The following SLC2A12 variants were observed in gnomAD, a reference collection of about 807,000 sequenced individuals.
SLC2A12 encodes the protein solute carrier family 2 member 12.
A neutral mutation model predicts 41.8 loss-of-function variants in SLC2A12; 23 were observed. That is an observed-to-expected ratio of 0.55 (90% CI 0.40 to 0.78). The LOEUF (loss-of-function observed/expected upper bound fraction) is 0.78, where lower values mean the gene tolerates loss of function less well. Ranked by LOEUF, SLC2A12 falls within the 30% of genes least tolerant of loss-of-function variation. The probability of loss-of-function intolerance (pLI) is 0.00; values close to 1 mark genes in which losing one functional copy is unlikely to be tolerated. For missense variants in SLC2A12, 654 were observed against 745.6 expected (o/e 0.88, Z 1.43); for synonymous variants, 295 against 285.9 (o/e 1.03, Z -0.32).
chr6:134,006,829 G>A lies in SLC2A12; in HGVS notation c.1550C>T (p.Thr517Ile), dbSNP rs1395368822. ...NWGINLLISL[T>I]FLTVTDLIGL... ...CTTCTTACCAGTTACAGTCAAAAATGTCAGCGAGATGAGGAGATTGATGCC... is the reference window on the plus strand; with the variant it reads ...CTTCTTACCAGTTACAGTCAAAAATATCAGCGAGATGAGGAGATTGATGCC... Residue 517 changes from threonine to isoleucine, a missense_variant, in exon 3 of 5, where the codon ACA becomes ATA. Thr to Ile is a moderately conservative substitution (Grantham distance 89, BLOSUM62 -1). Around this residue, in one of 3 missense-constraint regions of SLC2A12, gnomAD observed 134 missense variants for 180.5 expected, o/e 0.74. Transcript: ENST00000275230. 13 of 1,614,062 alleles carry A rather than the reference G, an allele frequency of 8.1e-6. No homozygotes were observed. The highest frequency in any genetic ancestry group is 1.0e-5 in the Non-Finnish European group (12 of 1,179,988).
intron 1 of SLC2A12, among the ~76,000 whole-genome samples, chr6:134,032,405 A>AATATAT (rs1170558623): frequency 5.1e-5 from 6 of 118,078 alleles, no homozygotes; most frequent in African/African-American, 2.2e-4. Context: ...TACAGGGAGA[A>AATATAT]ATATATATAT....
At chr6:133,996,090 G>A (rs188591110) in intron 4 of SLC2A12, among the ~76,000 whole-genome samples, 8 of 152,238 alleles carry the variant, frequency 5.3e-5, no homozygotes, top group Middle Eastern at 3.4e-3. Context: ...GATTGTACTC[G>A]CTGATAATGT....
intron 2 of SLC2A12, among the ~76,000 whole-genome samples, chr6:134,024,868 C>T (rs1250416038): frequency 5.9e-5 from 9 of 152,212 alleles, no homozygotes; most frequent in Non-Finnish European, 8.8e-5. Flanking sequence ...AAAGAAACTT[C>T]TAATTTGTTT....
In SLC2A12 at chr6:133,991,010, G is replaced by T. The variant is rs746004303; in HGVS notation, c.*145C>A. The T allele has an allele frequency of 1.5e-5, 14 of 929,554 alleles. No homozygotes were observed. Among genetic ancestry groups the T allele is most frequent in the Non-Finnish European group, 2.0e-5 (13 of 642,810 alleles). 57.6% of individuals were successfully genotyped at this position (929,554 alleles called of 1,614,324 possible). A position where few individuals can be genotyped will look rare whatever the true frequency, so the allele number is the denominator to read the frequency against. ...CCTTCTGGGGAGGAGGGGGATTAAA[G>T]GCTGTCTTTATCATTTCAGAGTGTC... is the stretch of plus-strand genomic sequence containing the variant. On this transcript the variant is annotated 3_prime_UTR_variant, in exon 5 of 5. Transcript: ENST00000275230.
intron 1 of SLC2A12, among the ~76,000 whole-genome samples, chr6:134,040,890 G>T (rs1456393097): frequency 6.6e-6 from 1 of 152,180 alleles, no homozygotes; most frequent in Non-Finnish European, 1.5e-5. Flanking sequence ...AATGGCTGTG[G>T]TATATTCAGT....
At chr6:134,036,005 A>G (rs1777293409) in intron 1 of SLC2A12, among the ~76,000 whole-genome samples, 1 of 152,186 alleles carries the variant, frequency 6.6e-6, no homozygotes, top group South Asian at 2.1e-4. Flanking sequence ...ACTCAACACG[A>G]AACAATCCAT....
chr6:133,987,967 C>CA lies in SLC2A12; in HGVS notation c.*3187dup, dbSNP rs924815636. 2.6e-5 allele frequency: 4 copies of CA among 152,072 alleles called. No homozygotes were observed. The highest frequency in any genetic ancestry group is 9.7e-5 in the African/African-American group (4 of 41,400). 9.4% of individuals were successfully genotyped at this position (152,072 alleles called of 1,614,324 possible). ...GGACCTTTGTTTTTCTGGAAAGACTCAACACCTGTAGTTGTAGAGAAGTGA... is the reference window on the plus strand; with the variant it reads ...GGACCTTTGTTTTTCTGGAAAGACTCAAACACCTGTAGTTGTAGAGAAGTGA... On this transcript the variant is annotated 3_prime_UTR_variant, in exon 5 of 5. Coordinates refer to ENST00000275230, the MANE Select transcript of SLC2A12 (RefSeq NM_145176.3).
At chr6:133,997,117 C>T (rs1056847953) in intron 4 of SLC2A12, among the ~76,000 whole-genome samples, 7 of 132,014 alleles carry the variant, frequency 5.3e-5, no homozygotes, top group Non-Finnish European at 1.1e-4. Flanking sequence ...AAAAGCCGGG[C>T]GTGGCAGCAG....
intron 2 of SLC2A12, among the ~76,000 whole-genome samples, chr6:134,011,452 T>C (rs147832426): frequency 5.9e-4 from 89 of 151,642 alleles, no homozygotes; most frequent in African/African-American, 2.0e-3. Flanking sequence ...TGAAACCCCG[T>C]CTCTATAAAA....
intron 4 of SLC2A12, among the ~76,000 whole-genome samples, chr6:133,995,934 T>A (rs1776681653): frequency 6.6e-6 from 1 of 152,262 alleles, no homozygotes; most frequent in South Asian, 2.1e-4. Context: ...TGTCTGGATT[T>A]ACTCCCCTAT....
At chr6:134,005,042 G>C (rs1776795555) in intron 3 of SLC2A12, among the ~76,000 whole-genome samples, 1 of 152,096 alleles carries the variant, frequency 6.6e-6, no homozygotes, top group Admixed American at 6.5e-5. Context: ...ATTTATTTTA[G>C]CTCTATCATT....
At chr6:133,995,986 T>C (rs1776682319) in intron 4 of SLC2A12, among the ~76,000 whole-genome samples, 1 of 152,254 alleles carries the variant, frequency 6.6e-6, no homozygotes. Context: ...TTATCTTAAA[T>C]GTTACCTCTC....
Position 134,029,024 on chromosome 6 carries a change from A to T in SLC2A12, c.801T>A (p.Asp267Glu). ...GCATGTTGTCTTTTGAACGAAACAGATCCCAAAAACTGTACTGATATTCAT... is the reference window on the plus strand; with the variant it reads ...GCATGTTGTCTTTTGAACGAAACAGTTCCCAAAAACTGTACTGATATTCAT... ...LKDEYQYSFW[D>E]LFRSKDNMRT... is the part of the protein sequence containing the mutation. Residue 267 changes from aspartate (D) to glutamate (E), a missense_variant, in exon 2 of 5, where the codon GAT (aspartate) becomes GAA (glutamate). Physicochemically the swap from Asp to Glu is conservative, Grantham distance 45 (BLOSUM62 2). Transcript: ENST00000275230. 1.2e-6 allele frequency: 2 copies of T among 1,614,234 alleles called. No individual in the cohort carries two copies. The highest frequency in any genetic ancestry group is 1.3e-5 in the African/African-American group (1 of 75,054).
At chr6:133,992,011 G>A (rs767106477) in intron 4 of SLC2A12, among the ~76,000 whole-genome samples, 6 of 152,152 alleles carry the variant, frequency 3.9e-5, no homozygotes, top group Non-Finnish European at 8.8e-5. Flanking sequence ...TATTATACAG[G>A]TGGCATCTCT....
chr6:134,027,275 C>G (rs1777126787), intron 2 of SLC2A12, among the ~76,000 whole-genome samples: 1 of 152,214 alleles, frequency 6.6e-6, no homozygotes, highest in Non-Finnish European at 1.5e-5. Flanking sequence ...CCTACATGGC[C>G]TTCTTTCCAG....
chr6:134,005,659 TAAAAAAAAA>T (rs56710009), intron 3 of SLC2A12, among the ~76,000 whole-genome samples: 41 of 64,968 alleles, frequency 6.3e-4, no homozygotes, highest in East Asian at 2.5e-3. Context: ...GACTCTGTCT[TAAAAAAAAA>T]AAAAAAAAAA....
intron 3 of SLC2A12, 84 bp downstream of exon 3, chr6:134,006,728 A>T: frequency 3.9e-6 from 6 of 1,541,480 alleles, no homozygotes; most frequent in Non-Finnish European, 5.3e-6. Context: ...ATTTCCACGA[A>T]AAAATGGTCT....
chr6:134,044,228 G>T (rs1181488321), intron 1 of SLC2A12, among the ~76,000 whole-genome samples: 17 of 152,096 alleles, frequency 1.1e-4, no homozygotes, highest in Non-Finnish European at 5.9e-5. Flanking sequence ...TCCATCAAAG[G>T]ATTCCTGATC....
At chr6:134,040,064 T>G (rs1415059397) in intron 1 of SLC2A12, among the ~76,000 whole-genome samples, 1 of 136,858 alleles carries the variant, frequency 7.3e-6, no homozygotes, top group African/African-American at 3.3e-5. Context: ...TTTTGTTTTT[T>G]TTTTTTTGTT....
Sources: allele counts gnomAD v4.1 joint callset (sites outside exome capture counted in the v4.1 genomes callset), GRCh38; gene constraint gnomAD v4.1.1; regional missense constraint gnomAD v4.1.1; transcripts MANE v1.5; gene names NCBI Gene and HGNC (gene_info 2026-07-23, HGNC 2026-07-21).